IFT172: variants seen among roughly 807,000 people sequenced by gnomAD.
IFT172 encodes the protein intraflagellar transport protein 172 homolog.
IFT172 carries 164 observed loss-of-function variants against 248.9 expected under a neutral mutation model. The observed-to-expected ratio is 0.66, with a 90% CI of 0.58 to 0.75. The LOEUF (loss-of-function observed/expected upper bound fraction) is 0.75. Among genes scored for constraint, IFT172 ranks in the 30% least tolerant of loss-of-function variants. The pLI is 0.00. For synonymous variants in IFT172, 729 were observed against 791.6 expected (o/e 0.92, Z 1.33); for missense variants, 1,950 against 2,192.4 (o/e 0.89, Z 2.21).
rs763505533 is a variant in IFT172 at position 27,447,852 on chromosome 2, T to C, written c.4499A>G (p.Tyr1500Cys). Residue 1500 changes from tyrosine (Y) to cysteine (C), a missense_variant, in exon 41 of 48, where the codon TAT becomes TGT. Transcript: ENST00000260570. ...ATCTCGAAGATCAGCCCAGCTATGA[T>C]AGGCCTCGGCACAGTTGGTTCCAGG... ...SSPGTNCAEA[Y>C]HSWADLRDVL... The C allele has an allele frequency of 2.0e-5, 33 of 1,613,946 alleles. No individual in the cohort carries two copies. The highest frequency in any genetic ancestry group is 2.7e-5 in the Non-Finnish European group (32 of 1,179,806).
At position 27,445,056 on chromosome 2, in the gene IFT172, A is replaced by G; in HGVS notation, c.5118T>C (p.Ala1706=). ...ATTTATTCCAGTTGTCCTTGTTAGC[A>G]GCCTTCCCTGGCCGCTTAAATTCAA... The part of the protein sequence containing the change: ...NKIEFKRPGK[A]ANKDNWNKFL... Residue 1706 remains alanine (A), a synonymous_variant, in exon 47 of 48, where the codon GCT becomes GCC. Coordinates refer to ENST00000260570, the MANE Select transcript of IFT172 (RefSeq NM_015662.3). This position sits in a 1 kb window ranked among gnomAD's most constrained non-coding sequence, Gnocchi z 4.4. 6.2e-7 allele frequency: 1 copy of G among 1,613,940 alleles called. No individual in the cohort carries two copies. Among genetic ancestry groups the G allele is most frequent in the Non-Finnish European group, 8.5e-7 (1 of 1,179,996 alleles).
chr2:27,489,350 A>G (rs921283182), intron 1 of IFT172, among the ~76,000 whole-genome samples: 2 of 152,220 alleles, frequency 1.3e-5, no homozygotes, highest in Non-Finnish European at 2.9e-5. Context: ...AGGGAGGGAC[A>G]TAAGTCGGGT....
At chr2:27,483,977 T>A (rs1388336310) in intron 4 of IFT172, 40 bp from the exon 5 acceptor site, 1 of 1,574,176 alleles carries the variant, frequency 6.4e-7, no homozygotes, top group Non-Finnish European at 8.7e-7. Flanking sequence ...ACCCCATCTG[T>A]GTGGGCCAGC....
Position 27,449,790 on chromosome 2 carries a change from A to T in IFT172, c.4061T>A (p.Leu1354His). Reference protein sequence around the residue: ...GIGKHSAAAELYLNLDLVKEA... With the variant: ...GIGKHSAAAEHYLNLDLVKEA... ...CTTGACAAGGTCCAGATTCAGATAG[A>T]GCTCTGCAGCCTGCACAGTGGGAAA... The change falls in exon 37 of 48, where the codon CTC (leucine) becomes CAC (histidine). Residue 1354 changes from leucine (L) to histidine (H), a missense_variant. By Grantham distance (99) the Leu-to-His change is moderately conservative. Transcript: ENST00000260570. 1 of 1,612,184 alleles carries T rather than the reference A, an allele frequency of 6.2e-7. No homozygotes were observed. Among genetic ancestry groups the T allele is most frequent in the Non-Finnish European group, 8.5e-7 (1 of 1,178,740 alleles).
At chr2:27,472,438 G>C in intron 14 of IFT172, 76 bp from the exon 15 acceptor site, 1 of 1,174,488 alleles carries the variant, frequency 8.5e-7, no homozygotes, top group Non-Finnish European at 1.2e-6. Flanking sequence ...ACATAATTTT[G>C]CTAGGATGCC....
At chr2:27,444,630 T>C (rs1664864802) in intron 47 of IFT172, 109 bp from the exon 48 acceptor site, 1 of 812,370 alleles carries the variant, frequency 1.2e-6, no homozygotes, top group African/African-American at 2.0e-5. Flanking sequence ...ATCCCACCCA[T>C]CTTTCTAGTG....
intron 33 of IFT172, 32 bp downstream of exon 33, chr2:27,453,950 C>T: frequency 6.3e-7 from 1 of 1,585,038 alleles, no homozygotes; most frequent in Non-Finnish European, 8.6e-7. Context: ...AACTCTCCCC[C>T]TCCCCTCATG....
At chr2:27,472,166 C>T (rs1401589069) in intron 15 of IFT172, 84 bp downstream of exon 15, 1 of 910,124 alleles carries the variant, frequency 1.1e-6, no homozygotes, top group Admixed American at 1.7e-5. Flanking sequence ...GTGCTCCATC[C>T]TGCCTCCCTC....
chr2:27,459,973 A>T (rs1319497355), intron 23 of IFT172, 144 bp from the exon 24 acceptor site: 2 of 1,061,570 alleles, frequency 1.9e-6, no homozygotes, highest in African/African-American at 3.2e-5. Flanking sequence ...CACACGCACC[A>T]AGAGGTGTGG....
intron 10 of IFT172, among the ~76,000 whole-genome samples, chr2:27,478,515 C>T (rs1668127839): frequency 6.6e-6 from 1 of 152,096 alleles, no homozygotes; most frequent in Non-Finnish European, 1.5e-5. Context: ...CAGTATGTTG[C>T]TTAGACTGGC....
chr2:27,489,572 A>G lies in IFT172; in HGVS notation c.39+43T>C, dbSNP rs1389375972. ...ACTTCAGTTCCCCCACTTTTCTTGGAACATAAAGCATAAGGGGGAGGGACT... is the reference window on the plus strand; with the variant it reads ...ACTTCAGTTCCCCCACTTTTCTTGGGACATAAAGCATAAGGGGGAGGGACT... On this transcript the variant is annotated intron_variant, in intron 1 of 47. Transcript: ENST00000260570. 9.9e-6 allele frequency: 15 copies of G among 1,518,482 alleles called. No individual in the cohort carries two copies. The South Asian group carries it at 1.7e-4, about 17-fold the overall frequency. The allele number at this position is 1,518,482 out of a possible 1,614,324, so 94.1% of individuals were successfully genotyped here.
At chr2:27,474,197 A>G (rs781028206) in intron 14 of IFT172, among the ~76,000 whole-genome samples, 27 of 152,324 alleles carry the variant, frequency 1.8e-4, no homozygotes, top group Non-Finnish European at 3.5e-4. Context: ...TTGCTGCTCG[A>G]ATCTTAGGCC....
At chr2:27,478,358 C>A (rs1558407016) in intron 10 of IFT172, among the ~76,000 whole-genome samples, 1 of 152,198 alleles carries the variant, frequency 6.6e-6, no homozygotes, top group Non-Finnish European at 1.5e-5. Flanking sequence ...TATATTATCT[C>A]TTTTGACACT....
At chr2:27,470,636 G>A in intron 16 of IFT172, 1 of 280,104 alleles carries the variant, frequency 3.6e-6, no homozygotes, top group Non-Finnish European at 6.6e-6. Context: ...GATGACATTA[G>A]AACTGCCTCT....
At chr2:27,468,905 T>C (rs887047236) in intron 16 of IFT172, among the ~76,000 whole-genome samples, 1 of 149,628 alleles carries the variant, frequency 6.7e-6, no homozygotes, top group Non-Finnish European at 1.5e-5. Flanking sequence ...AGATCACCTG[T>C]ACAGAAATGG....
At chr2:27,475,777 CT>C (rs10712396) in intron 14 of IFT172, among the ~76,000 whole-genome samples, 69,101 of 147,422 alleles carry the variant, frequency 0.47, 17,374 homozygotes, top group African/African-American at 0.67. Context: ...GAGTCCCATT[CT>C]TTTTTTTTTT....
chr2:27,464,784 AT>A (rs1368118462), intron 18 of IFT172, among the ~76,000 whole-genome samples: 1 of 151,986 alleles, frequency 6.6e-6, no homozygotes, highest in Non-Finnish European at 1.5e-5. Flanking sequence ...TGCCCGGCTA[AT>A]TTTTGTATTT....
intron 25 of IFT172, 91 bp downstream of exon 25, chr2:27,459,287 T>C (rs1355782077): frequency 4.7e-5 from 70 of 1,490,616 alleles, no homozygotes; most frequent in Non-Finnish European, 6.3e-5. Flanking sequence ...AAGAAGGATC[T>C]GGTGAACTTG....
chr2:27,488,572 T>C (rs957239458), intron 1 of IFT172, among the ~76,000 whole-genome samples: 17 of 152,226 alleles, frequency 1.1e-4, no homozygotes, highest in African/African-American at 4.1e-4. Flanking sequence ...CTTATTCTTA[T>C]TAGCTTTGTA....
Sources: gnomAD v4.1 joint callset for allele counts (sites outside exome capture counted in the v4.1 genomes callset) on GRCh38, gnomAD v4.1.1 for gene constraint, Gnocchi (gnomAD v3.1) non-coding constraint, MANE v1.5 for transcripts, NCBI Gene and HGNC (gene_info 2026-07-23, HGNC 2026-07-21) for gene names.